Variants in ENTREP2 observed in about 807,000 individuals in gnomAD.
The protein encoded by ENTREP2 is endosomal transmembrane epsin interactor 2, also known as protein ENTREP2.
the ENTREP2 span, among the ~76,000 whole-genome samples, chr15:29,293,414 A>AT: frequency 1.6e-5 from 2 of 121,662 alleles, no homozygotes; most frequent in Non-Finnish European, 4.0e-5. Context: ...TGCCTGGCTA[A>AT]TTTTTTGTAT....
the ENTREP2 span, among the ~76,000 whole-genome samples, chr15:29,474,292 C>T: frequency 2.5e-4 from 38 of 152,264 alleles, no homozygotes; most frequent in African/African-American, 9.1e-4. Flanking sequence ...GGGCCATCCC[C>T]ACCCTACCCC....
the ENTREP2 span, among the ~76,000 whole-genome samples, chr15:29,284,571 A>AC: frequency 1.4e-4 from 20 of 138,218 alleles, no homozygotes; most frequent in Non-Finnish European, 2.3e-4. Flanking sequence ...AAAAAAAAAA[A>AC]AACCAAAAAT....
chr15:29,232,745 G>A, the ENTREP2 span, among the ~76,000 whole-genome samples: 1 of 152,150 alleles, frequency 6.6e-6, no homozygotes, highest in Non-Finnish European at 1.5e-5. Context: ...CTGGGCTCAA[G>A]CGATCCTCCT....
the ENTREP2 span, among the ~76,000 whole-genome samples, chr15:29,223,741 G>A: frequency 2.6e-4 from 39 of 152,240 alleles, no homozygotes; most frequent in African/African-American, 4.8e-4. Context: ...AAGGTAGCCA[G>A]AGAGGCTGGT....
the ENTREP2 span, among the ~76,000 whole-genome samples, chr15:29,449,018 C>T: frequency 1.3e-5 from 2 of 152,164 alleles, no homozygotes; most frequent in Non-Finnish European, 2.9e-5. Context: ...TCCTTAGAAA[C>T]AAACACTGTT....
the ENTREP2 span, among the ~76,000 whole-genome samples, chr15:29,435,548 CT>C: frequency 6.6e-6 from 1 of 151,988 alleles, no homozygotes; most frequent in African/African-American, 2.4e-5. Flanking sequence ...TTCAAACCAT[CT>C]TTATAGTGTA....
At chr15:29,515,376 G>A in the ENTREP2 span, among the ~76,000 whole-genome samples, 1 of 152,182 alleles carries the variant, frequency 6.6e-6, no homozygotes, top group Non-Finnish European at 1.5e-5. Context: ...GAGACAGAAC[G>A]CACCCTTCCT....
chr15:29,144,520 C>T, the ENTREP2 span, among the ~76,000 whole-genome samples: 3 of 152,036 alleles, frequency 2.0e-5, no homozygotes, highest in Admixed American at 1.3e-4. Flanking sequence ...CTTGAGCCTA[C>T]GAGTTCGAGA....
At chr15:29,447,386 A>C in the ENTREP2 span, among the ~76,000 whole-genome samples, 3 of 152,208 alleles carry the variant, frequency 2.0e-5, no homozygotes, top group East Asian at 3.9e-4. Flanking sequence ...TGCATAGCAC[A>C]GTCTTCGCCA....
At chr15:29,459,346 C>T in the ENTREP2 span, among the ~76,000 whole-genome samples, 1 of 152,118 alleles carries the variant, frequency 6.6e-6, no homozygotes, top group Non-Finnish European at 1.5e-5. Flanking sequence ...TGTGACATTT[C>T]CTGGGAGGGT....
At chr15:29,156,897 C>A in the ENTREP2 span, among the ~76,000 whole-genome samples, 1 of 151,988 alleles carries the variant, frequency 6.6e-6, no homozygotes, top group Non-Finnish European at 1.5e-5. Context: ...GAGTTCGAGA[C>A]CAGTCTGACC....
the ENTREP2 span, among the ~76,000 whole-genome samples, chr15:29,368,565 G>A: frequency 1.6e-4 from 24 of 151,738 alleles, no homozygotes; most frequent in African/African-American, 5.6e-4. Flanking sequence ...TTAATGAAGA[G>A]ATAGAAATTA....
the ENTREP2 span, among the ~76,000 whole-genome samples, chr15:29,443,517 C>T: frequency 2.6e-5 from 4 of 152,054 alleles, no homozygotes; most frequent in Admixed American, 6.5e-5. Flanking sequence ...ATGGGGCCCA[C>T]GGGTCTGGTG....
At chr15:29,570,652 C>T in the ENTREP2 span, 3 of 1,342,260 alleles carry the variant, frequency 2.2e-6, 1 homozygote, top group Non-Finnish European at 2.9e-6. Flanking sequence ...GGCCCGGGCA[C>T]TCGCGCAGGC....
At chr15:29,658,362 G>A in the ENTREP2 span, among the ~76,000 whole-genome samples, 4 of 152,302 alleles carry the variant, frequency 2.6e-5, no homozygotes, top group Non-Finnish European at 5.9e-5. Context: ...AGAACTGTGA[G>A]TCAATTAAAC....
At chr15:29,312,421 C>T in the ENTREP2 span, among the ~76,000 whole-genome samples, 2 of 151,738 alleles carry the variant, frequency 1.3e-5, no homozygotes, top group Non-Finnish European at 1.5e-5. Flanking sequence ...TTCACTTTAT[C>T]ATGCTTCACA....
chr15:29,577,214 C>A, the ENTREP2 span, among the ~76,000 whole-genome samples: 1 of 151,920 alleles, frequency 6.6e-6, no homozygotes, highest in African/African-American at 2.4e-5. Context: ...TAAAATGGTG[C>A]AGCCACTGTG....
chr15:29,330,640 T>C, the ENTREP2 span, among the ~76,000 whole-genome samples: 1 of 152,078 alleles, frequency 6.6e-6, no homozygotes, highest in Non-Finnish European at 1.5e-5. Context: ...GTGAGGAGCC[T>C]AAGGCAACAT....
chr15:29,140,926 T>C, the ENTREP2 span, among the ~76,000 whole-genome samples: 1 of 152,232 alleles, frequency 6.6e-6, no homozygotes, highest in African/African-American at 2.4e-5. Flanking sequence ...CTGGGGCTCA[T>C]GCACCCGATG....
Sources: allele counts gnomAD v4.1 joint callset (sites outside exome capture counted in the v4.1 genomes callset), GRCh38; gene constraint gnomAD v4.1.1; transcripts MANE v1.5; gene names NCBI Gene and HGNC (gene_info 2026-07-23, HGNC 2026-07-21).